Variants in ABCA13 observed in about 807,000 individuals in gnomAD.
ABCA13 encodes the protein ATP-binding cassette sub-family A member 13.
A neutral mutation model predicts 478.7 loss-of-function variants in ABCA13; 476 were observed. The observed-to-expected ratio is 0.99, with a 90% confidence interval of 0.92 to 1.07. The LOEUF (loss-of-function observed/expected upper bound fraction) is 1.07. ABCA13 is among the 50% of genes least tolerant of loss of function. ABCA13 has a pLI of 0.00. For missense variants in ABCA13, 6,060 were observed against 5,910.6 expected (o/e 1.03, Z -0.83); for synonymous variants, 2,252 against 2,158.9 (o/e 1.04, Z -1.20).
intron 3 of ABCA13, among the ~76,000 whole-genome samples, chr7:48,205,713 T>C (rs1784838664): frequency 6.6e-6 from 1 of 152,232 alleles, no homozygotes; most frequent in Non-Finnish European, 1.5e-5. Flanking sequence ...TCTTTCAACA[T>C]AGCTTTATAG....
intron 55 of ABCA13, among the ~76,000 whole-genome samples, chr7:48,560,740 G>A (rs1201775436): frequency 4.6e-5 from 7 of 152,168 alleles, no homozygotes; most frequent in Non-Finnish European, 8.8e-5. Flanking sequence ...ATATTGAAAT[G>A]TACAGTACTC....
intron 37 of ABCA13, among the ~76,000 whole-genome samples, chr7:48,390,086 T>C (rs1166621422): frequency 6.6e-6 from 1 of 152,164 alleles, no homozygotes; most frequent in Non-Finnish European, 1.5e-5. Flanking sequence ...TTTTAGTGTT[T>C]GAAAATTGGG....
chr7:48,178,869 T>C (rs1400611953), intron 1 of ABCA13, among the ~76,000 whole-genome samples: 1 of 150,968 alleles, frequency 6.6e-6, no homozygotes, highest in Non-Finnish European at 1.5e-5. Context: ...TTTGCTGAAA[T>C]TGTTACCAGC....
At chr7:48,533,018 T>C (rs964762427) in intron 55 of ABCA13, among the ~76,000 whole-genome samples, 3 of 152,102 alleles carry the variant, frequency 2.0e-5, no homozygotes, top group Admixed American at 2.0e-4. Flanking sequence ...TGCTCTGATC[T>C]TCATTATTTC....
intron 59 of ABCA13, among the ~76,000 whole-genome samples, chr7:48,640,112 C>T (rs888976816): frequency 3.3e-5 from 5 of 152,082 alleles, no homozygotes; most frequent in Non-Finnish European, 7.4e-5. Context: ...TTCTATTTTG[C>T]ACTTAATATT....
chr7:48,631,401 A>G lies in ABCA13; in HGVS notation c.14838-11887A>G, dbSNP rs575864571. 1.4e-4 allele frequency among the ~76,000 whole-genome samples: 22 copies of G among 152,148 alleles called. No individual in the cohort carries two copies. The Middle Eastern group carries it at 0.01, about 71-fold the overall frequency. On this transcript the variant is annotated intron_variant, in intron 59 of 61. Transcript: ENST00000435803. ...GCCTCTTATCCCAGCACTATTTATT[A>G]AATAGGTAGTCCTTTCCCCATTGTT...
intron 15 of ABCA13, among the ~76,000 whole-genome samples, chr7:48,264,269 T>A (rs1470212794): frequency 6.6e-6 from 1 of 151,858 alleles, no homozygotes; most frequent in Non-Finnish European, 1.5e-5. Context: ...CACGGACAAG[T>A]CTTGTTTGGA....
intron 56 of ABCA13, among the ~76,000 whole-genome samples, chr7:48,582,138 C>A (rs1788765942): frequency 6.6e-6 from 1 of 152,046 alleles, no homozygotes; most frequent in Non-Finnish European, 1.5e-5. Flanking sequence ...ACTGAGACAC[C>A]AGAGAAATTA....
At chr7:48,233,410 G>A (rs1177363938) in intron 7 of ABCA13, among the ~76,000 whole-genome samples, 1 of 152,068 alleles carries the variant, frequency 6.6e-6, no homozygotes, top group African/African-American at 2.4e-5. Flanking sequence ...CATACCTTGG[G>A]GGTCTTCGAT....
At chr7:48,269,448 T>C (rs187126729) in intron 16 of ABCA13, among the ~76,000 whole-genome samples, 12 of 152,346 alleles carry the variant, frequency 7.9e-5, no homozygotes, top group African/African-American at 2.9e-4. Context: ...ATCAATTCTA[T>C]AGATTCTGTT....
chr7:48,579,414 A>G (rs1788490032), intron 55 of ABCA13, among the ~76,000 whole-genome samples: 1 of 152,242 alleles, frequency 6.6e-6, no homozygotes, highest in Non-Finnish European at 1.5e-5. Context: ...TAAAAGCAAC[A>G]ATGCAATGCA....
At chr7:48,500,787 C>T (rs2130808790) in intron 48 of ABCA13, among the ~76,000 whole-genome samples, 1 of 152,262 alleles carries the variant, frequency 6.6e-6, no homozygotes, top group East Asian at 1.9e-4. Context: ...CAGCCCTGTG[C>T]TGGGGTATCC....
intron 19 of ABCA13, among the ~76,000 whole-genome samples, chr7:48,284,704 A>G (rs947434050): frequency 2.6e-5 from 4 of 152,250 alleles, no homozygotes; most frequent in African/African-American, 9.6e-5. Context: ...AGATTACATT[A>G]GTAACAGATA....
intron 48 of ABCA13, among the ~76,000 whole-genome samples, chr7:48,500,717 C>T (rs1182828653): frequency 6.6e-6 from 1 of 152,190 alleles, no homozygotes; most frequent in Non-Finnish European, 1.5e-5. Flanking sequence ...TCTGCCACCC[C>T]TCCAGTCTTC....
In ABCA13 at chr7:48,176,085, G is replaced by C. The variant is rs1794834283; in HGVS notation, c.69+4533G>C. Among the ~76,000 whole-genome samples the C allele has an allele frequency of 2.0e-5, 3 of 152,156 alleles. No homozygotes were observed. The South Asian group carries it at 6.2e-4, about 32-fold the overall frequency. ...AATCATGGAGCAGTGACCATTCACA[G>C]GGTGGTTGTTGTCTCCAGGATCCTA... is the stretch of plus-strand genomic sequence containing the variant. On this transcript the variant is annotated intron_variant, in intron 1 of 61. Coordinates refer to ENST00000435803, the MANE Select transcript of ABCA13 (RefSeq NM_152701.5).
At position 48,278,728 on chromosome 7, in the gene ABCA13, C is replaced by T. The variant is rs748194143; in HGVS notation, c.7534C>T (p.Leu2512=). ...CATGCTGTTGAATGACAGTGCTGAC[C>T]TGAGAGATCTTGCCACATCAATGGA... ...LVMLLNDSAD[L]RDLATSMDSI... The change falls in exon 18 of 62, where the codon CTG becomes TTG. Residue 2512 remains leucine, a synonymous_variant. Coordinates refer to ENST00000435803, the MANE Select transcript of ABCA13 (RefSeq NM_152701.5). 1 of 1,613,874 alleles carries T rather than the reference C, an allele frequency of 6.2e-7. No homozygotes were observed. The highest frequency in any genetic ancestry group is 1.1e-5 in the South Asian group (1 of 91,078).
Position 48,594,788 on chromosome 7 carries a change from T to G in ABCA13, c.14719T>G (p.Cys4907Gly). 1 of 1,613,954 alleles carries G rather than the reference T, an allele frequency of 6.2e-7. No individual in the cohort carries two copies. Among genetic ancestry groups the G allele is most frequent in the South Asian group, 1.1e-5 (1 of 91,090 alleles). The change falls in exon 58 of 62, where the codon TGT (cysteine) becomes GGT (glycine). Residue 4907 changes from cysteine (C) to glycine (G), a missense_variant. Cys to Gly is a radical substitution (Grantham distance 159). Coordinates refer to ENST00000435803, the MANE Select transcript of ABCA13 (RefSeq NM_152701.5). ...QTIMKEVREGCAAVLTSHSME... is the reference protein window; with the variant it reads ...QTIMKEVREGGAAVLTSHSME... ...AATAATGAAGGAGGTTCGGGAAGGCTGTGCTGCGGTGCTGACCTCCCACAG... is the reference window on the plus strand; with the variant it reads ...AATAATGAAGGAGGTTCGGGAAGGCGGTGCTGCGGTGCTGACCTCCCACAG...
chr7:48,314,282 T>G lies in ABCA13; in HGVS notation c.9732T>G (p.Phe3244Leu). 1.2e-6 allele frequency: 2 copies of G among 1,613,724 alleles called. No homozygotes were observed. Among genetic ancestry groups the G allele is most frequent in the Non-Finnish European group, 1.7e-6 (2 of 1,179,830 alleles). The part of the protein sequence containing the change: ...ARSSAFGSFQ[F>L]VMKMVCKDQA... ...GTTCAGCTTTTGGTTCTTTCCAGTT[T>G]GTGATGAAGATGGTTTGCAAGGACC... The change falls in exon 26 of 62, where the codon TTT (phenylalanine) becomes TTG (leucine). Residue 3244 changes from phenylalanine to leucine, a missense_variant. Phe to Leu is a conservative substitution (Grantham distance 22, BLOSUM62 0). Coordinates refer to ENST00000435803, the MANE Select transcript of ABCA13 (RefSeq NM_152701.5).
At chr7:48,527,952 T>C (rs976646141) in intron 54 of ABCA13, among the ~76,000 whole-genome samples, 4 of 152,190 alleles carry the variant, frequency 2.6e-5, no homozygotes, top group Admixed American at 2.0e-4. Flanking sequence ...TTACTTCTCA[T>C]CCTCTTGAGT....
Sources: allele counts gnomAD v4.1 joint callset (sites outside exome capture counted in the v4.1 genomes callset), GRCh38; gene constraint gnomAD v4.1.1; transcripts MANE v1.5; gene names NCBI Gene and HGNC (gene_info 2026-07-23, HGNC 2026-07-21).